The following CHST8 variants were observed in gnomAD, a reference collection of about 807,000 sequenced individuals.
CHST8 encodes the protein GALNAC-4-ST1.
CHST8 carries 10 observed loss-of-function variants against 15.0 expected under a neutral mutation model. The ratio of observed to expected loss-of-function variants is 0.67; its 90% CI spans 0.41 to 1.13. CHST8 has a LOEUF of 1.13. CHST8 is among the 50% of genes most tolerant of loss of function. The pLI is 0.00. For synonymous variants in CHST8, 259 were observed against 256.6 expected (o/e 1.01, Z -0.09); for missense variants, 634 against 608.2 (o/e 1.04, Z -0.45).
At chr19:33,771,245 G>C (rs551647081) in intron 3 of CHST8, among the ~76,000 whole-genome samples, 168 bp from the exon 4 acceptor site, 9 of 152,310 alleles carry the variant, frequency 5.9e-5, no homozygotes, top group African/African-American at 2.2e-4. Flanking sequence ...TGCATGGGTA[G>C]GGGATGGAGG....
intron 2 of CHST8, among the ~76,000 whole-genome samples, chr19:33,674,756 G>A (rs376883232): frequency 5.9e-5 from 9 of 152,292 alleles, no homozygotes; most frequent in South Asian, 4.1e-4. Context: ...TCCAGGCTGC[G>A]TAGAGAAGGG....
chr19:33,650,859 C>T (rs1245284057), intron 1 of CHST8, among the ~76,000 whole-genome samples: 19 of 152,084 alleles, frequency 1.2e-4, no homozygotes, highest in Admixed American at 1.2e-3. Context: ...CAGGCATGTG[C>T]CACCATGCAT....
intron 1 of CHST8, among the ~76,000 whole-genome samples, chr19:33,650,501 CTTTTTCTTTTTCTTTTCTTT>C (rs1236775099): frequency 3.9e-5 from 2 of 50,928 alleles, no homozygotes; most frequent in South Asian, 1.2e-3. Flanking sequence ...TTTTCTTTTT[CTTTTTCTTTTTCTTTTCTTT>C]TTTTTTTTTT....
chr19:33,714,369 G>A (rs868026265), intron 3 of CHST8, among the ~76,000 whole-genome samples: 12 of 152,254 alleles, frequency 7.9e-5, no homozygotes, highest in Middle Eastern at 6.8e-3. Flanking sequence ...GATGGAACTG[G>A]AGGCCATTAT....
At chr19:33,731,551 G>C (rs1369599733) in intron 3 of CHST8, among the ~76,000 whole-genome samples, 1 of 152,150 alleles carries the variant, frequency 6.6e-6, no homozygotes, top group Admixed American at 6.5e-5. Context: ...ACCACAGCCT[G>C]CTTTATCAGC....
chr19:33,675,827 T>C (rs1319706743), intron 2 of CHST8, among the ~76,000 whole-genome samples: 2 of 152,212 alleles, frequency 1.3e-5, no homozygotes, highest in Non-Finnish European at 2.9e-5. Context: ...AGAGGATTTT[T>C]CTCCCTCAGC....
chr19:33,653,672 A>G (rs1282347814), intron 1 of CHST8, among the ~76,000 whole-genome samples: 2 of 152,232 alleles, frequency 1.3e-5, no homozygotes, highest in Non-Finnish European at 2.9e-5. Flanking sequence ...TTCTACTCCA[A>G]CACTTAATAG....
chr19:33,755,077 A>T (rs1215112590), intron 3 of CHST8, among the ~76,000 whole-genome samples: 1 of 152,138 alleles, frequency 6.6e-6, no homozygotes, highest in Non-Finnish European at 1.5e-5. Context: ...CATTCTCAGG[A>T]TGCCCACCAC....
chr19:33,733,041 A>C (rs1974021953), intron 3 of CHST8, among the ~76,000 whole-genome samples: 1 of 152,086 alleles, frequency 6.6e-6, no homozygotes, highest in African/African-American at 2.4e-5. Flanking sequence ...GACAGAACTC[A>C]ATCTCCAATC....
At chr19:33,694,922 C>G (rs576367858) in intron 3 of CHST8, among the ~76,000 whole-genome samples, 1 of 147,338 alleles carries the variant, frequency 6.8e-6, no homozygotes, top group African/African-American at 2.5e-5. Context: ...CCTTCCCTCC[C>G]TTCCCCTCCC....
intron 3 of CHST8, among the ~76,000 whole-genome samples, chr19:33,709,295 G>A (rs1568337426): frequency 6.6e-6 from 1 of 151,988 alleles, no homozygotes; most frequent in Non-Finnish European, 1.5e-5. Context: ...GCTTTATTCC[G>A]GATCTTAGGG....
intron 3 of CHST8, among the ~76,000 whole-genome samples, chr19:33,767,144 G>A (rs1190438259): frequency 6.6e-6 from 1 of 152,242 alleles, no homozygotes; most frequent in Non-Finnish European, 1.5e-5. Flanking sequence ...ATTCTCCCAA[G>A]AGTGAGCCAC....
intron 1 of CHST8, among the ~76,000 whole-genome samples, chr19:33,638,114 C>G (rs1330811400): frequency 6.6e-6 from 1 of 152,168 alleles, no homozygotes; most frequent in East Asian, 1.9e-4. Context: ...CAGAGCCTCA[C>G]CAATTTCAGG....
chr19:33,749,676 A>C (rs78261850), intron 3 of CHST8, among the ~76,000 whole-genome samples: 16,899 of 151,896 alleles, frequency 0.11, 1,147 homozygotes, highest in Middle Eastern at 0.16. Context: ...CCTCAGTCTT[A>C]CTGCTACTCA....
At chr19:33,647,714 C>T (rs777104361) in intron 1 of CHST8, among the ~76,000 whole-genome samples, 16 of 151,938 alleles carry the variant, frequency 1.1e-4, no homozygotes, top group Middle Eastern at 3.4e-3. Flanking sequence ...GGCATGGTGG[C>T]GTGCACCTGT....
chr19:33,747,762 T>C (rs1419908315), intron 3 of CHST8, among the ~76,000 whole-genome samples: 3 of 152,216 alleles, frequency 2.0e-5, no homozygotes, highest in African/African-American at 7.2e-5. Context: ...TATAGTGTTA[T>C]ATATTTTCTT....
intron 3 of CHST8, among the ~76,000 whole-genome samples, chr19:33,740,928 C>T (rs1001996799): frequency 9.9e-5 from 15 of 152,162 alleles, no homozygotes; most frequent in East Asian, 1.9e-4. Context: ...TTACATTCCC[C>T]GGGTCCTCCT....
At chr19:33,703,439 G>T (rs867765494) in intron 3 of CHST8, among the ~76,000 whole-genome samples, 7 of 152,276 alleles carry the variant, frequency 4.6e-5, no homozygotes, top group African/African-American at 7.2e-5. Context: ...TGGCCACTGC[G>T]TAGGTCTTGG....
Position 33,772,273 on chromosome 19 carries a change from A to G in CHST8, c.485A>G (p.Glu162Gly). The G allele has an allele frequency of 6.2e-7, 1 of 1,601,470 alleles. No homozygotes were observed. The highest frequency in any genetic ancestry group is 8.5e-7 in the Non-Finnish European group (1 of 1,178,918). The change falls in exon 5 of 5, where the codon GAG becomes GGG. Residue 162 changes from glutamate (E) to glycine (G), a missense_variant. Glu to Gly is a moderately conservative substitution (Grantham distance 98, BLOSUM62 -2). Transcript: ENST00000650847. ...SQQERKRVMQ[E>G]ACAKYRASSS... ...CAGGAGCGCAAGCGGGTGATGCAGGAGGCCTGCGCCAAGTACCGGGCGAGC... is the reference window on the plus strand; with the variant it reads ...CAGGAGCGCAAGCGGGTGATGCAGGGGGCCTGCGCCAAGTACCGGGCGAGC...
Sources: allele counts gnomAD v4.1 joint callset (sites outside exome capture counted in the v4.1 genomes callset), GRCh38; gene constraint gnomAD v4.1.1; transcripts MANE v1.5; gene names NCBI Gene and HGNC (gene_info 2026-07-23, HGNC 2026-07-21).